Variants in REPS2 observed in about 807,000 individuals in gnomAD.
REPS2 encodes RALBP1 associated Eps domain containing 2, also known as ralBP1-associated Eps domain-containing protein 2.
Under a neutral mutation model 53.6 loss-of-function variants are expected in REPS2, and 23 were observed. The ratio of observed to expected loss-of-function variants is 0.43; its 90% confidence interval spans 0.31 to 0.61. The LOEUF is 0.61. Among genes scored for constraint, REPS2 ranks in the 20% least tolerant of loss-of-function variants. REPS2 has a pLI of 0.11. For synonymous variants in REPS2, 238 were observed against 218.6 expected, an observed-to-expected ratio of 1.09 and a Z score of -0.78; for missense variants, 446 against 534.9, an observed-to-expected ratio of 0.83 and a Z score of 1.64.
chrX:17,069,471 C>G, intron 10 of REPS2, among the ~76,000 whole-genome samples: 1 of 112,326 alleles, frequency 8.9e-6, no homozygotes, highest in East Asian at 2.8e-4. Context: ...TATTTAAATA[C>G]TTGCTTGGGA....
intron 8 of REPS2, among the ~76,000 whole-genome samples, chrX:17,057,391 A>G (rs2062085150): frequency 2.7e-5 from 3 of 112,788 alleles, no homozygotes; most frequent in Admixed American, 1.9e-4. Context: ...GCAGAGGCCA[A>G]GTTTGTGGCT....
intron 13 of REPS2, among the ~76,000 whole-genome samples, chrX:17,095,769 A>G (rs1231059838): frequency 9.0e-6 from 1 of 110,845 alleles, no homozygotes; most frequent in Non-Finnish European, 1.9e-5. Flanking sequence ...GGTAGGAAAT[A>G]AATCCACTAT....
chrX:16,977,066 G>A (rs919494327), intron 1 of REPS2, among the ~76,000 whole-genome samples: 55 of 111,829 alleles, frequency 4.9e-4, no homozygotes, highest in African/African-American at 1.5e-3. Flanking sequence ...CATTTGCAGC[G>A]TTTCTCTGGA....
intron 14 of REPS2, among the ~76,000 whole-genome samples, chrX:17,115,684 G>A (rs1394843777): frequency 2.7e-5 from 3 of 111,799 alleles, no homozygotes; most frequent in South Asian, 3.8e-4. Flanking sequence ...GCGGCCTTCC[G>A]CAGTGTTTGT....
intron 1 of REPS2, among the ~76,000 whole-genome samples, chrX:16,958,262 GGGGTGATTCCAT>G (rs2060621187): frequency 9.0e-6 from 1 of 111,365 alleles, no homozygotes; most frequent in African/African-American, 3.3e-5. Flanking sequence ...TTGCTTAAAC[GGGGTGATTCCAT>G]GGGCATGTGT....
At chrX:17,056,461 G>A (rs1018212842) in intron 8 of REPS2, among the ~76,000 whole-genome samples, 11 of 111,724 alleles carry the variant, frequency 9.8e-5, no homozygotes, top group East Asian at 5.6e-4. Flanking sequence ...AGGCCGAGGC[G>A]GGCGGATCAT....
chrX:17,105,742 C>T (rs190198058), intron 14 of REPS2, among the ~76,000 whole-genome samples: 19 of 112,198 alleles, frequency 1.7e-4, no homozygotes, highest in Admixed American at 7.6e-4. Context: ...CCATTTCTCT[C>T]CCCTATTCCC....
At chrX:16,964,072 C>T (rs1224232692) in intron 1 of REPS2, among the ~76,000 whole-genome samples, 1 of 104,558 alleles carries the variant, frequency 9.6e-6, no homozygotes, top group Non-Finnish European at 2.0e-5. Context: ...GGGTGTTTCT[C>T]GCAGAGGGGG....
chrX:17,075,274 G>A (rs778398819), intron 12 of REPS2, among the ~76,000 whole-genome samples: 7 of 111,954 alleles, frequency 6.3e-5, no homozygotes, highest in African/African-American at 1.6e-4. Flanking sequence ...TTGAATTGCA[G>A]AAATCTGTTA....
At chrX:17,007,147 T>C (rs1157926491) in intron 2 of REPS2, among the ~76,000 whole-genome samples, 3 of 112,157 alleles carry the variant, frequency 2.7e-5, no homozygotes, top group Non-Finnish European at 5.6e-5. Flanking sequence ...CTCATGCCTG[T>C]CCTGTGAAGT....
intron 14 of REPS2, among the ~76,000 whole-genome samples, chrX:17,117,067 T>C (rs897620435): frequency 9.0e-6 from 1 of 111,440 alleles, no homozygotes; most frequent in Admixed American, 9.5e-5. Context: ...GTCTTGTAGA[T>C]GGCACCCAAT....
the REPS2 span, among the ~76,000 whole-genome samples, chrX:17,182,176 A>G: frequency 1.8e-5 from 2 of 109,644 alleles, no homozygotes; most frequent in Non-Finnish European, 3.8e-5. Context: ...CTATCTATCT[A>G]TCTATCTATC....
At chrX:17,097,567 T>G (rs1603009110) in intron 13 of REPS2, among the ~76,000 whole-genome samples, 1 of 111,538 alleles carries the variant, frequency 9.0e-6, no homozygotes, top group East Asian at 2.8e-4. Flanking sequence ...CCAAAGAAAG[T>G]AAATGGAAGA....
chrX:17,043,606 C>G (rs1007257538), intron 5 of REPS2, among the ~76,000 whole-genome samples: 2 of 111,201 alleles, frequency 1.8e-5, no homozygotes, highest in African/African-American at 6.5e-5. Flanking sequence ...TACCCTTTCT[C>G]TATACTACAG....
intron 1 of REPS2, among the ~76,000 whole-genome samples, chrX:16,951,185 C>T (rs1242313949): frequency 8.9e-6 from 1 of 111,844 alleles, no homozygotes; most frequent in African/African-American, 3.3e-5. Context: ...GGGAAACCAA[C>T]TACTCTAACG....
intron 1 of REPS2, among the ~76,000 whole-genome samples, chrX:17,005,560 C>T (rs1164910496): frequency 3.6e-5 from 4 of 111,298 alleles, no homozygotes. Context: ...TCTGAGAATA[C>T]ACTGGGAAAA....
At chrX:16,966,779 A>T (rs930135902) in intron 1 of REPS2, among the ~76,000 whole-genome samples, 2 of 112,603 alleles carry the variant, frequency 1.8e-5, no homozygotes, top group Non-Finnish European at 3.7e-5. Context: ...GTCAGTATAG[A>T]TATCTTGCTA....
At chrX:16,948,879 C>T (rs1225342716) in intron 1 of REPS2, among the ~76,000 whole-genome samples, 1 of 112,230 alleles carries the variant, frequency 8.9e-6, no homozygotes, top group East Asian at 2.8e-4. Flanking sequence ...GTAAATCTCT[C>T]AGAGCTCGAA....
intron 4 of REPS2, among the ~76,000 whole-genome samples, chrX:17,027,013 C>G (rs920545126): frequency 9.0e-6 from 1 of 111,343 alleles, no homozygotes; most frequent in Non-Finnish European, 1.9e-5. Flanking sequence ...AGGCTGGTCT[C>G]GAACCCCTGG....
Sources: allele counts gnomAD v4.1 joint callset (sites outside exome capture counted in the v4.1 genomes callset), GRCh38; gene constraint gnomAD v4.1.1; transcripts MANE v1.5; gene names NCBI Gene and HGNC (gene_info 2026-07-23, HGNC 2026-07-21).